PCNT: variants seen among roughly 807,000 people sequenced by gnomAD.
PCNT encodes the protein kendrin.
In PCNT, 319 loss-of-function variants were observed where a neutral mutation model predicts 380.4. The observed-to-expected ratio is 0.84, with a 90% confidence interval of 0.77 to 0.92. The LOEUF (loss-of-function observed/expected upper bound fraction) is 0.92. Ranked by LOEUF, PCNT falls within the 40% of genes least tolerant of loss-of-function variation. PCNT has a pLI of 0.00. For synonymous variants in PCNT, 1,845 were observed against 1,735.2 expected, an observed-to-expected ratio of 1.06 and a Z score of -1.57; for missense variants, 4,400 against 4,255.3, an observed-to-expected ratio of 1.03 and a Z score of -0.95.
chr21:46,367,895 AG>A (rs1474609130), intron 15 of PCNT, among the ~76,000 whole-genome samples: 1 of 152,236 alleles, frequency 6.6e-6, no homozygotes, highest in Non-Finnish European at 1.5e-5. Context: ...GTGATGGGCC[AG>A]GCACAATGGC....
intron 2 of PCNT, among the ~76,000 whole-genome samples, chr21:46,329,080 G>A (rs1281512660): frequency 1.4e-4 from 21 of 152,210 alleles, no homozygotes; most frequent in Admixed American, 1.4e-3. Flanking sequence ...GGCCTGCATA[G>A]ACGTTTTAAA....
At chr21:46,412,714 A>G (rs1370909735) in intron 28 of PCNT, 123 bp from the exon 29 acceptor site, 6 of 1,025,614 alleles carry the variant, frequency 5.9e-6, no homozygotes, top group Non-Finnish European at 9.1e-6. Context: ...TGTGGATGTC[A>G]CTGCCACCTC....
chr21:46,384,459 G>A (rs1440674002), intron 16 of PCNT, among the ~76,000 whole-genome samples: 1 of 147,390 alleles, frequency 6.8e-6, no homozygotes, highest in Non-Finnish European at 1.5e-5. Flanking sequence ...CGCATTCACG[G>A]TGTTGTGCAT....
intron 11 of PCNT, among the ~76,000 whole-genome samples, chr21:46,354,901 C>T (rs1469188531): frequency 6.6e-6 from 1 of 152,208 alleles, no homozygotes; most frequent in East Asian, 1.9e-4. Flanking sequence ...CCGGCTGGAA[C>T]AGGCAGCCAG....
chr21:46,334,014 GGCT>G (rs2083645577), intron 2 of PCNT, among the ~76,000 whole-genome samples: 2 of 152,058 alleles, frequency 1.3e-5, no homozygotes, highest in African/African-American at 4.8e-5. Context: ...AGACCATCTT[GGCT>G]AACATGGTGA....
Position 46,346,724 on chromosome 21 carries a change from G to A in PCNT, c.721-19G>A. 6 of 1,589,968 alleles carry A rather than the reference G, an allele frequency of 3.8e-6. No homozygotes were observed. The highest frequency in any genetic ancestry group is 3.4e-5 in the South Asian group (3 of 87,134). On this transcript the variant is annotated intron_variant, in intron 4 of 46. Transcript: ENST00000359568. ...GTTCTGACCATGGGCCCTTATCAGA[G>A]GCCTTTTCTCCGCCGCAGGCCGTGC...
intron 2 of PCNT, among the ~76,000 whole-genome samples, chr21:46,330,109 G>T (rs542207453): frequency 6.6e-6 from 1 of 152,208 alleles, no homozygotes; most frequent in African/African-American, 2.4e-5. Flanking sequence ...TTGGATCTTG[G>T]ACATCAGCTT....
At chr21:46,358,926 G>A (rs532423863) in intron 13 of PCNT, among the ~76,000 whole-genome samples, 6 of 150,716 alleles carry the variant, frequency 4.0e-5, no homozygotes, top group African/African-American at 1.5e-4. Context: ...TCAGCCTCCC[G>A]AGTAGCTGGG....
At chr21:46,434,542 C>CA (rs1270669958) in intron 38 of PCNT, among the ~76,000 whole-genome samples, 2 of 152,250 alleles carry the variant, frequency 1.3e-5, no homozygotes, top group African/African-American at 4.8e-5. Context: ...AGAGGCCCTT[C>CA]AGAGGCTGCT....
At chr21:46,373,546 C>T (rs1211818418) in intron 15 of PCNT, among the ~76,000 whole-genome samples, 6 of 149,160 alleles carry the variant, frequency 4.0e-5, no homozygotes, top group African/African-American at 1.2e-4. Context: ...ATTCTCCTGC[C>T]TCAGCCTCCC....
At chr21:46,357,571 C>T (rs902705561) in intron 13 of PCNT, among the ~76,000 whole-genome samples, 1 of 152,168 alleles carries the variant, frequency 6.6e-6, no homozygotes, top group Non-Finnish European at 1.5e-5. Context: ...GGATTACAAA[C>T]GTATGCCACC....
intron 1 of PCNT, 89 bp downstream of exon 1, chr21:46,324,371 G>T: frequency 5.2e-6 from 6 of 1,161,430 alleles, no homozygotes; most frequent in Non-Finnish European, 6.3e-6. Flanking sequence ...GCCAGGAGAG[G>T]ACGCGGTCCG....
chr21:46,344,166 C>T (rs777685026), intron 3 of PCNT, among the ~76,000 whole-genome samples: 12 of 151,902 alleles, frequency 7.9e-5, no homozygotes, highest in Admixed American at 2.0e-4. Flanking sequence ...GTCTGCCTCC[C>T]GGGTTCATGC....
chr21:46,362,058 T>G (rs181179815), intron 13 of PCNT, among the ~76,000 whole-genome samples: 272 of 152,356 alleles, frequency 1.8e-3, no homozygotes, highest in Non-Finnish European at 3.2e-3. Context: ...GGTTTTCTGT[T>G]GCAGCAGGCA....
At position 46,334,662 on chromosome 21, in the gene PCNT, A is replaced by T. The variant is rs200285580; in HGVS notation, c.533A>T (p.Gln178Leu). The change falls in exon 3 of 47, where the codon CAA (glutamine) becomes CTA (leucine). Residue 178 changes from glutamine (Q) to leucine (L), a missense_variant. Physicochemically the swap from Gln to Leu is moderately radical, Grantham distance 113 (BLOSUM62 -2). Transcript: ENST00000359568. ...GGGATGTTCACAATCAGTGACCACC[A>T]ACCGGAACAGCGTGGGATGTTCACA... ...QRGMFTISDH[Q>L]PEQRGMFTVS... 3 of 1,585,100 alleles carry T rather than the reference A, an allele frequency of 1.9e-6. No homozygotes were observed. The African/African-American group carries it at 4.4e-5, about 23-fold the overall frequency.
intron 27 of PCNT, among the ~76,000 whole-genome samples, chr21:46,409,927 A>T (rs2086731877): frequency 6.6e-6 from 1 of 152,182 alleles, no homozygotes; most frequent in African/African-American, 2.4e-5. Flanking sequence ...GGTGTTTTAC[A>T]TTTAGAGCTA....
At chr21:46,347,916 C>T (rs2084126640) in intron 6 of PCNT, among the ~76,000 whole-genome samples, 1 of 152,140 alleles carries the variant, frequency 6.6e-6, no homozygotes, top group Non-Finnish European at 1.5e-5. Context: ...GGGTGGGTTG[C>T]ACCTGCTGTG....
At chr21:46,373,310 G>T (rs2085214859) in intron 15 of PCNT, among the ~76,000 whole-genome samples, 2 of 151,876 alleles carry the variant, frequency 1.3e-5, no homozygotes, top group Admixed American at 1.3e-4. Context: ...AGCCGCGCCT[G>T]GCCTGGACTA....
chr21:46,390,114 C>G (rs1054495320), intron 19 of PCNT, among the ~76,000 whole-genome samples: 31 of 152,238 alleles, frequency 2.0e-4, no homozygotes, highest in Non-Finnish European at 1.0e-4. Flanking sequence ...TGGAGATGGC[C>G]CTGGACTCCA....
Sources: allele counts gnomAD v4.1 joint callset (sites outside exome capture counted in the v4.1 genomes callset), GRCh38; gene constraint gnomAD v4.1.1; transcripts MANE v1.5; gene names NCBI Gene and HGNC (gene_info 2026-07-23, HGNC 2026-07-21).